Variants in COQ8B observed in about 807,000 individuals in gnomAD.
COQ8B encodes the protein atypical kinase COQ8B, mitochondrial.
COQ8B carries 44 observed loss-of-function variants against 62.0 expected under a neutral mutation model. The ratio of observed to expected loss-of-function variants is 0.71; its 90% CI spans 0.56 to 0.91. COQ8B has a LOEUF of 0.91. COQ8B is among the 40% of genes least tolerant of loss of function. The pLI, the probability that COQ8B is intolerant of heterozygous loss-of-function variation, is 0.00. For missense variants in COQ8B, 649 were observed against 731.6 expected, an observed-to-expected ratio of 0.89 and a Z score of 1.30; for synonymous variants, 252 against 289.9, an observed-to-expected ratio of 0.87 and a Z score of 1.33.
intron 13 of COQ8B, 33 bp from the exon 14 acceptor site, chr19:40,693,070 G>A (rs747961396): frequency 1.3e-6 from 2 of 1,595,150 alleles, no homozygotes. Context: ...GAGGGACAAA[G>A]GCCGGGGCTC....
At chr19:40,701,268 G>C (rs1020880491) in intron 10 of COQ8B, 1 of 152,284 alleles carries the variant, frequency 6.6e-6, no homozygotes, top group African/African-American at 2.4e-5. Context: ...GGTCGAGGCT[G>C]GAGTGAGCTG....
In COQ8B at chr19:40,703,784, G is replaced by A. The variant is rs4803357; in HGVS notation, c.648C>T (p.Ala216=). 50,331 of 1,614,012 alleles carry A rather than the reference G, an allele frequency of 0.031. 875 individuals carry two copies. The highest frequency in any genetic ancestry group is 0.036 in the Non-Finnish European group (42,688 of 1,179,980). Residue 216 remains alanine, a synonymous_variant, in exon 8 of 15, where the codon GCC becomes GCT. Transcript: ENST00000324464. ...GGTGCACCTGCCCAATTGAGGCAGCGGCAAAGGGCACCTCCTCCAAGGAGG... is the reference window on the plus strand; with the variant it reads ...GGTGCACCTGCCCAATTGAGGCAGCAGCAAAGGGCACCTCCTCCAAGGAGG... ...KVASLEEVPF[A]AASIGQVHQG...
At chr19:40,701,003 C>T (rs2082056653) in intron 10 of COQ8B, 1 of 155,410 alleles carries the variant, frequency 6.4e-6, no homozygotes, top group South Asian at 2.0e-4. Flanking sequence ...CCCGAGACCA[C>T]ACTCTCACAA....
At chr19:40,707,155 G>C (rs1175464805) in intron 5 of COQ8B, among the ~76,000 whole-genome samples, 2 of 151,948 alleles carry the variant, frequency 1.3e-5, no homozygotes, top group Non-Finnish European at 2.9e-5. Flanking sequence ...TATAGTCCCA[G>C]CTACTCAGGA....
At chr19:40,703,515 A>C in intron 9 of COQ8B, 26 bp downstream of exon 9, 1 of 1,582,140 alleles carries the variant, frequency 6.3e-7, no homozygotes, top group African/African-American at 1.3e-5. Flanking sequence ...TTGGGAGGTC[A>C]GCAGAGGAGT....
At chr19:40,702,940 C>G (rs548299334) in intron 9 of COQ8B, among the ~76,000 whole-genome samples, 1 of 152,168 alleles carries the variant, frequency 6.6e-6, no homozygotes, top group Non-Finnish European at 1.5e-5. Flanking sequence ...TGACCTGCAT[C>G]GTATCATCTG....
At chr19:40,716,500 C>A (rs1361208057) in intron 1 of COQ8B, 87 bp downstream of exon 1, 1 of 152,234 alleles carries the variant, frequency 6.6e-6, no homozygotes, top group Non-Finnish European at 1.5e-5. Flanking sequence ...CCCTGGCATC[C>A]CTATTGTTCA....
At chr19:40,698,123 G>A (rs2082033533) in intron 12 of COQ8B, among the ~76,000 whole-genome samples, 1 of 151,264 alleles carries the variant, frequency 6.6e-6, no homozygotes, top group Non-Finnish European at 1.5e-5. Flanking sequence ...GGCTGAGGCA[G>A]GAGAATTGCT....
At chr19:40,715,557 C>T (rs2082179118) in intron 1 of COQ8B, 2 of 985,546 alleles carry the variant, frequency 2.0e-6, no homozygotes, top group Non-Finnish European at 1.2e-6. Context: ...TGGCACCCAA[C>T]CTCCTTCCTT....
At chr19:40,711,181 T>C (rs958323008) in intron 4 of COQ8B, among the ~76,000 whole-genome samples, 5 of 151,814 alleles carry the variant, frequency 3.3e-5, no homozygotes, top group African/African-American at 4.8e-5. Context: ...TAGGTCCCTC[T>C]GTCTTCTGGT....
At chr19:40,711,388 C>G (rs750449969) in intron 4 of COQ8B, among the ~76,000 whole-genome samples, 1 of 152,042 alleles carries the variant, frequency 6.6e-6, no homozygotes, top group African/African-American at 2.4e-5. Flanking sequence ...CATACCACCA[C>G]GCTCACCTAA....
chr19:40,715,729 G>A, intron 1 of COQ8B: 2 of 534,028 alleles, frequency 3.7e-6, no homozygotes, highest in Middle Eastern at 9.0e-4. Context: ...GCGACTGGGA[G>A]CCCTCTGCTT....
At chr19:40,708,393 T>C (rs931764199) in intron 5 of COQ8B, among the ~76,000 whole-genome samples, 1 of 152,234 alleles carries the variant, frequency 6.6e-6, no homozygotes, top group African/African-American at 2.4e-5. Flanking sequence ...GAGCTCATTA[T>C]TGAGCTGTTC....
chr19:40,712,803 CAA>C (rs2082152768), intron 4 of COQ8B, among the ~76,000 whole-genome samples: 1 of 152,196 alleles, frequency 6.6e-6, no homozygotes, highest in Admixed American at 6.5e-5. Context: ...CTGTGTAACC[CAA>C]AGTCAAGTGA....
rs367757539 is a variant in COQ8B at position 40,692,293 on chromosome 19, C to G, written c.1377G>C (p.Ser459=). 11 of 1,613,676 alleles carry G rather than the reference C, an allele frequency of 6.8e-6. No individual in the cohort carries two copies. Among genetic ancestry groups the G allele is most frequent in the Non-Finnish European group, 8.5e-6 (10 of 1,179,844 alleles). ...CCTGTATGCGGCGGGCCGTTTCCCCCGACCCAAAGTCATAAGGGCCCTGGG... is the reference window on the plus strand; with the variant it reads ...CCTGTATGCGGCGGGCCGTTTCCCCGGACCCAAAGTCATAAGGGCCCTGGG... ...FATQGPYDFG[S]GETARRIQDL... The change falls in exon 15 of 15, where the codon TCG becomes TCC. Residue 459 remains serine, a synonymous_variant. Coordinates refer to ENST00000324464, the MANE Select transcript of COQ8B (RefSeq NM_024876.4).
At chr19:40,716,564 T>C (rs1257489564) in intron 1 of COQ8B, 23 bp downstream of exon 1, 1 of 152,240 alleles carries the variant, frequency 6.6e-6, no homozygotes, top group Non-Finnish European at 1.5e-5. Context: ...ACAAGTACTC[T>C]ATACATGACA....
chr19:40,694,491 C>T (rs115927454), intron 13 of COQ8B, among the ~76,000 whole-genome samples: 26 of 152,322 alleles, frequency 1.7e-4, no homozygotes, highest in African/African-American at 5.8e-4. Flanking sequence ...GACCTGCCCT[C>T]CCACTCAGAA....
At chr19:40,697,851 T>TATAGAGAGAGAGAGAGAGAGAGAGAGAG (rs1446181673) in intron 12 of COQ8B, among the ~76,000 whole-genome samples, 36 of 54,704 alleles carry the variant, frequency 6.6e-4, no homozygotes, top group Non-Finnish European at 1.0e-3. Flanking sequence ...TATATATATA[T>TATAGAGAGAGAGAGAGAGAGAGAGAGAG]AGAGAGAGAG....
At position 40,705,422 on chromosome 19, in the gene COQ8B, G is replaced by A; in HGVS notation, c.393C>T (p.Ser131=). The A allele has an allele frequency of 5.7e-6, 9 of 1,587,452 alleles. No homozygotes were observed. The highest frequency in any genetic ancestry group is 7.8e-6 in the Non-Finnish European group (9 of 1,160,674). Residue 131 remains serine, a synonymous_variant, in exon 6 of 15, where the codon AGC becomes AGT. Coordinates refer to ENST00000324464, the MANE Select transcript of COQ8B (RefSeq NM_024876.4). The part of the protein sequence containing the change: ...QSEGGSGLDS[S]PFLSEANAER... Reference sequence around the variant, plus strand: ...CGGCATTGGCCTCCGACAGGAAGGGGCTGGAGTCCAGCCCAGAACCACCCT... The same window carrying A: ...CGGCATTGGCCTCCGACAGGAAGGGACTGGAGTCCAGCCCAGAACCACCCT...
Sources: allele counts gnomAD v4.1 joint callset (sites outside exome capture counted in the v4.1 genomes callset), GRCh38; gene constraint gnomAD v4.1.1; transcripts MANE v1.5; gene names NCBI Gene and HGNC (gene_info 2026-07-23, HGNC 2026-07-21).